OVCH2: variants seen among roughly 807,000 people sequenced by gnomAD.
The protein encoded by OVCH2 is ovochymase-2.
A neutral mutation model predicts 73.7 loss-of-function variants in OVCH2; 88 were observed. The observed-to-expected ratio is 1.19, with a 90% CI of 1.01 to 1.43. The LOEUF is 1.43. Ranked by LOEUF, OVCH2 falls within the 40% of genes most tolerant of loss-of-function variation. The pLI is 0.00. For synonymous variants in OVCH2, 265 were observed against 234.5 expected (o/e 1.13, Z -1.19); for missense variants, 706 against 674.5 (o/e 1.05, Z -0.52).
chr11:7,694,831 TAAG>T (rs1280023976), intron 12 of OVCH2, among the ~76,000 whole-genome samples: 1 of 100,804 alleles, frequency 9.9e-6, no homozygotes, highest in African/African-American at 3.6e-5. Context: ...TTTTTTAAAG[TAAG>T]GAGCACAGTG....
chr11:7,680,092 C>A, the OVCH2 span, among the ~76,000 whole-genome samples: 2 of 152,178 alleles, frequency 1.3e-5, no homozygotes, highest in Non-Finnish European at 2.9e-5. Flanking sequence ...TGAGCAACTC[C>A]AGCAAATTAA....
rs767353638 is a variant in OVCH2, at chr11:7,701,452, G to C, written c.583C>G (p.Gln195Glu). 1 of 1,611,836 alleles carries C rather than the reference G, an allele frequency of 6.2e-7. No homozygotes were observed. Among genetic ancestry groups the C allele is most frequent in the South Asian group, 1.1e-5 (1 of 90,376 alleles). ...GTCAAAATAGGCAGATTCACTTCCT[G>C]CAAGACTTGTGAGAGGACGCCACCT... ...TEGGVLSQVL[Q>E]EVNLPILTWE... The change falls in exon 6 of 16, where the codon CAG becomes GAG. Residue 195 changes from glutamine to glutamate, a missense_variant. Physicochemically the swap from Gln to Glu is conservative, Grantham distance 29. Transcript: ENST00000533663.
rs1182120082 is a variant in OVCH2 at position 7,704,677 on chromosome 11, G to T, written c.89-3C>A. On this transcript the variant is annotated splice_region_variant and splice_polypyrimidine_tract_variant and intron_variant, in intron 1 of 15. Transcript: ENST00000533663. The stretch of plus-strand genomic sequence containing the variant: ...CAGACTCTGCCCACAACTGGGAGCT[G>T]AGAAAAAAACGAGACAAACTAAATG... The T allele has an allele frequency of 6.3e-6, 10 of 1,595,224 alleles. No individual in the cohort carries two copies. In the Admixed American group the frequency reaches 1.7e-4, roughly 27 times the overall value.
downstream of OVCH2, among the ~76,000 whole-genome samples, chr11:7,685,380 G>A (rs1412059177): frequency 6.6e-6 from 1 of 152,166 alleles, no homozygotes; most frequent in African/African-American, 2.4e-5. Flanking sequence ...ATGAATAAGT[G>A]GAACTTGGGT....
intron 7 of OVCH2, 68 bp from the exon 8 acceptor site, chr11:7,698,841 C>CT: frequency 2.0e-6 from 3 of 1,512,590 alleles, no homozygotes; most frequent in Non-Finnish European, 2.7e-6. Context: ...AAGAAGTTAG[C>CT]ATCTTCTTGG....
the OVCH2 span, among the ~76,000 whole-genome samples, chr11:7,683,684 T>G: frequency 6.6e-6 from 1 of 152,206 alleles, no homozygotes; most frequent in African/African-American, 2.4e-5. Context: ...TCCTCCCACC[T>G]ACCTTCTCTG....
rs1158686141 is a variant in OVCH2 at position 7,702,233 on chromosome 11, T to C, written c.387A>G (p.Ile129Met). 1.9e-6 allele frequency: 3 copies of C among 1,613,150 alleles called. No homozygotes were observed. Among genetic ancestry groups the C allele is most frequent in the Non-Finnish European group, 2.5e-6 (3 of 1,179,378 alleles). ...GTTTCTTGGTGGAGAAATGTGGATGTATGATGACAGTTTCAATAGTGAGAG... is the reference window on the plus strand; with the variant it reads ...GTTTCTTGGTGGAGAAATGTGGATGCATGATGACAGTTTCAATAGTGAGAG... ...EQTLTIETVI[I>M]HPHFSTKKPM... The change falls in exon 4 of 16, where the codon ATA (isoleucine) becomes ATG (methionine). Residue 129 changes from isoleucine (I) to methionine (M), a missense_variant. Ile to Met is a conservative substitution (Grantham distance 10, BLOSUM62 1). Coordinates refer to ENST00000533663, the MANE Select transcript of OVCH2 (RefSeq NM_198185.7).
chr11:7,681,212 T>A, the OVCH2 span, among the ~76,000 whole-genome samples: 4 of 152,378 alleles, frequency 2.6e-5, no homozygotes, highest in East Asian at 5.8e-4. Flanking sequence ...TGCTGACCAA[T>A]GCAGAATATT....
downstream of OVCH2, among the ~76,000 whole-genome samples, chr11:7,684,506 A>ATG (rs55770590): frequency 0.084 from 11,935 of 141,292 alleles, 495 homozygotes; most frequent in Non-Finnish European, 0.1. Flanking sequence ...ATACATACAT[A>ATG]TGTGTGTGTG....
chr11:7,702,123 G>T, intron 4 of OVCH2, 34 bp downstream of exon 4: 3 of 1,539,710 alleles, frequency 1.9e-6, no homozygotes, highest in Non-Finnish European at 2.7e-6. Context: ...GAGAACATGG[G>T]GTAGACAATT....
chr11:7,692,032 C>T, intron 12 of OVCH2, 37 bp from the exon 13 acceptor site: 1 of 1,416,622 alleles, frequency 7.1e-7, no homozygotes, highest in African/African-American at 1.4e-5. Context: ...AGTAAACAAT[C>T]TGAATGAATT....
At chr11:7,684,850 G>C (rs531671632), downstream of OVCH2, among the ~76,000 whole-genome samples, 1 of 152,174 alleles carries the variant, frequency 6.6e-6, no homozygotes, top group Non-Finnish European at 1.5e-5. Context: ...AGAGAGTCTG[G>C]GAAGACAATG....
intron 7 of OVCH2, chr11:7,699,414 A>G (rs1182846794): frequency 6.6e-6 from 1 of 152,372 alleles, no homozygotes; most frequent in African/African-American, 2.4e-5. Context: ...ATTAAACGGC[A>G]TAGTATTTGC....
At chr11:7,679,314 C>G in the OVCH2 span, among the ~76,000 whole-genome samples, 1 of 152,190 alleles carries the variant, frequency 6.6e-6, no homozygotes, top group Non-Finnish European at 1.5e-5. Context: ...TTGGGGGCTC[C>G]TGAATAGCCT....
At chr11:7,701,612 G>C in intron 5 of OVCH2, 104 bp downstream of exon 5, 1 of 1,457,908 alleles carries the variant, frequency 6.9e-7, no homozygotes, top group Non-Finnish European at 9.3e-7. Flanking sequence ...CTTTAGAAAT[G>C]TATGCACAAT....
chr11:7,699,703 A>G (rs1856399725), intron 7 of OVCH2: 1 of 152,154 alleles, frequency 6.6e-6, no homozygotes, highest in South Asian at 2.1e-4. Context: ...ACCTGGATCT[A>G]CGCCAGGGAT....
downstream of OVCH2, among the ~76,000 whole-genome samples, chr11:7,685,802 G>A (rs916302309): frequency 6.6e-6 from 1 of 152,142 alleles, no homozygotes; most frequent in Non-Finnish European, 1.5e-5. Context: ...AGCTCAGCTA[G>A]GCATGTCACA....
the OVCH2 span, among the ~76,000 whole-genome samples, chr11:7,683,359 C>T: frequency 6.6e-6 from 1 of 152,104 alleles, no homozygotes; most frequent in African/African-American, 2.4e-5. Flanking sequence ...CCTTTGACAT[C>T]TCTCTTTCAC....
intron 7 of OVCH2, 123 bp from the exon 8 acceptor site, chr11:7,698,896 A>T (rs906360700): frequency 1.0e-6 from 1 of 995,244 alleles, no homozygotes; most frequent in African/African-American, 1.7e-5. Context: ...TAAAAATCTT[A>T]TCTGTGGAAA....
Sources: allele counts gnomAD v4.1 joint callset (sites outside exome capture counted in the v4.1 genomes callset), GRCh38; gene constraint gnomAD v4.1.1; transcripts MANE v1.5; gene names NCBI Gene and HGNC (gene_info 2026-07-23, HGNC 2026-07-21).